EDRF1: variants seen among roughly 807,000 people sequenced by gnomAD.
EDRF1 encodes the protein erythroid differentiation-related factor 1.
In EDRF1, 69 loss-of-function variants were observed where a neutral mutation model predicts 148.7. The ratio of observed to expected loss-of-function variants is 0.46; its 90% confidence interval spans 0.38 to 0.57. EDRF1 has a LOEUF of 0.57. Among genes scored for constraint, EDRF1 ranks in the 20% least tolerant of loss-of-function variants. The probability of loss-of-function intolerance (pLI) is 0.00; values close to 1 mark genes in which losing one functional copy is unlikely to be tolerated. For synonymous variants in EDRF1, 515 were observed against 532.8 expected, an observed-to-expected ratio of 0.97 and a Z score of 0.46; for missense variants, 1,118 against 1,478.7, an observed-to-expected ratio of 0.76 and a Z score of 4.00.
chr10:125,720,002 A>G lies in EDRF1; in HGVS notation c.108+87A>G, dbSNP rs180763014. 1.4e-5 allele frequency: 17 copies of G among 1,238,482 alleles called. No individual in the cohort carries two copies. The East Asian group carries it at 3.9e-4, about 29-fold the overall frequency. 76.7% of individuals were successfully genotyped at this position (1,238,482 alleles called of 1,614,324 possible). On this transcript the variant is annotated intron_variant, in intron 1 of 24. Coordinates refer to ENST00000356792, the MANE Select transcript of EDRF1 (RefSeq NM_001202438.2). ...GGAGGGATGCCACGGTTCCCGGCAG[A>G]TTCTGGAGGCTTCTCCATGTTTCCC...
At chr10:125,731,452 A>G (rs1400473164) in intron 9 of EDRF1, among the ~76,000 whole-genome samples, 1 of 152,230 alleles carries the variant, frequency 6.6e-6, no homozygotes, top group Non-Finnish European at 1.5e-5. Context: ...GTGTAAATAC[A>G]TGAAAGGATT....
At chr10:125,753,580 T>C (rs763417758) in intron 23 of EDRF1, 114 bp from the exon 24 acceptor site, 128 of 1,179,540 alleles carry the variant, frequency 1.1e-4, no homozygotes, top group Non-Finnish European at 1.5e-4. Flanking sequence ...TTTGTTTGTC[T>C]TGTTTAGGGT....
intron 24 of EDRF1, among the ~76,000 whole-genome samples, chr10:125,760,129 C>T (rs1020284168): frequency 1.3e-5 from 2 of 152,212 alleles, no homozygotes; most frequent in African/African-American, 2.4e-5. Context: ...AGCCCTAAGG[C>T]GGAGCAGATA....
At position 125,763,506 on chromosome 10, in the gene EDRF1, T is replaced by C. The variant is rs780107656; in HGVS notation, c.*34T>C. ...AGCCGTGTCCCAGACACGCTGTCAG[T>C]GCCTTCAACACGGAGCCGGTTTGTT... On this transcript the variant is annotated 3_prime_UTR_variant, in exon 25 of 25. Transcript: ENST00000356792. This position sits in a 1 kb window ranked among gnomAD's most constrained non-coding sequence, Gnocchi z 4.3. 1.9e-6 allele frequency: 3 copies of C among 1,598,418 alleles called. No individual in the cohort carries two copies. The highest frequency in any genetic ancestry group is 2.2e-5 in the South Asian group (2 of 90,786).
intron 19 of EDRF1, 103 bp downstream of exon 19, chr10:125,746,033 C>T: frequency 2.9e-6 from 3 of 1,037,366 alleles, no homozygotes; most frequent in Non-Finnish European, 4.4e-6. Flanking sequence ...AATAATTAAA[C>T]TCTGCTAATG....
chr10:125,755,613 A>G (rs939454557), intron 24 of EDRF1, among the ~76,000 whole-genome samples: 6 of 152,232 alleles, frequency 3.9e-5, no homozygotes, highest in Admixed American at 1.3e-4. Flanking sequence ...CAGTAAAACC[A>G]TCTTAACCTG....
chr10:125,739,808 A>C (rs1048961250), intron 15 of EDRF1, among the ~76,000 whole-genome samples: 1 of 152,190 alleles, frequency 6.6e-6, no homozygotes. Flanking sequence ...GTTGTGGTTT[A>C]TGTTATCAAG....
intron 19 of EDRF1, chr10:125,747,227 AG>A (rs1343409683): frequency 3.4e-6 from 1 of 293,538 alleles, no homozygotes; most frequent in Non-Finnish European, 6.4e-6. Context: ...TCATTTAGAA[AG>A]AAAAAAAAAA....
chr10:125,725,813 C>T lies in EDRF1; in HGVS notation c.767C>T (p.Ser256Phe), dbSNP rs1210195853. The T allele has an allele frequency of 1.2e-6, 2 of 1,613,636 alleles. No individual in the cohort carries two copies. Among genetic ancestry groups the T allele is most frequent in the South Asian group, 1.1e-5 (1 of 91,080 alleles). The change falls in exon 6 of 25, where the codon TCT (serine) becomes TTT (phenylalanine). Residue 256 changes from serine (S) to phenylalanine (F), a missense_variant. Around this residue, in one of 3 missense-constraint regions of EDRF1, gnomAD observed 954 missense variants for 1,241.4 expected, o/e 0.77. Transcript: ENST00000356792. ...PAPFEMPSSV[S>F]EDPSASSQGS... is the part of the protein sequence containing the mutation. Reference sequence around the variant, plus strand: ...CCCTTCGAAATGCCTTCTTCAGTTTCTGAAGATCCCAGTGCTTCCAGTCAG... The same window carrying T: ...CCCTTCGAAATGCCTTCTTCAGTTTTTGAAGATCCCAGTGCTTCCAGTCAG...
intron 3 of EDRF1, 84 bp from the exon 4 acceptor site, chr10:125,723,726 TA>T: frequency 7.1e-7 from 1 of 1,401,810 alleles, no homozygotes; most frequent in South Asian, 1.2e-5. Context: ...TATTATGCTT[TA>T]AAATGAATGA....
chr10:125,759,755 C>T (rs1315563912), intron 24 of EDRF1, among the ~76,000 whole-genome samples: 1 of 151,688 alleles, frequency 6.6e-6, no homozygotes, highest in Non-Finnish European at 1.5e-5. Flanking sequence ...CTGTCGCCCA[C>T]GCTGGAGTGC....
intron 18 of EDRF1, among the ~76,000 whole-genome samples, chr10:125,743,646 G>A (rs999177514): frequency 3.9e-5 from 6 of 152,314 alleles, no homozygotes; most frequent in South Asian, 4.1e-4. Context: ...GAGTACCGAC[G>A]AAGTATAATG....
Position 125,725,314 on chromosome 10 carries a change from C to T in EDRF1, c.511-4C>T. 1 of 1,613,862 alleles carries T rather than the reference C, an allele frequency of 6.2e-7. No individual in the cohort carries two copies. The highest frequency in any genetic ancestry group is 1.1e-5 in the South Asian group (1 of 91,048). Reference sequence around the variant, plus strand: ...ATTAATAATATGTATCTCATGTTATCCAGACTGGTGACTGGACATGGTTGA... The same window carrying T: ...ATTAATAATATGTATCTCATGTTATTCAGACTGGTGACTGGACATGGTTGA... On this transcript the variant is annotated splice_polypyrimidine_tract_variant and splice_region_variant and intron_variant, in intron 4 of 24. Coordinates refer to ENST00000356792, the MANE Select transcript of EDRF1 (RefSeq NM_001202438.2).
At position 125,735,890 on chromosome 10, in the gene EDRF1, A is replaced by G; in HGVS notation, c.1744A>G (p.Ile582Val). ...ELSVPEKYKS[I>V]HQIRPSCAFP... is the part of the protein sequence containing the mutation. ...ATCAGTACCAGAAAAATACAAATCT[A>G]TTCATCAAATCAGAGTAAGCCTTTA... Residue 582 changes from isoleucine (I) to valine (V), a missense_variant, in exon 13 of 25, where the codon ATT becomes GTT. Around this residue, in one of 3 missense-constraint regions of EDRF1, gnomAD observed 954 missense variants for 1,241.4 expected, o/e 0.77. Transcript: ENST00000356792. The G allele has an allele frequency of 6.2e-7, 1 of 1,608,630 alleles. No individual in the cohort carries two copies. Among genetic ancestry groups the G allele is most frequent in the Non-Finnish European group, 8.5e-7 (1 of 1,176,014 alleles).
At chr10:125,740,854 G>T in intron 16 of EDRF1, 147 bp from the exon 17 acceptor site, 1 of 1,068,030 alleles carries the variant, frequency 9.4e-7, no homozygotes, top group Non-Finnish European at 1.4e-6. Context: ...ACATGAAGCC[G>T]TAATATGTAT....
Position 125,731,349 on chromosome 10 carries a change from G to A in EDRF1, c.1128+950G>A, listed in dbSNP as rs559927600. 3.3e-5 allele frequency among the ~76,000 whole-genome samples: 5 copies of A among 152,286 alleles called. No individual in the cohort carries two copies. In the South Asian group the frequency reaches 1.0e-3, roughly 32 times the overall value. ...GGGGTGAGCACTTCCATTCAGGTCTGGAGGAAAGACTTTGTGGAAGAAGGG... is the reference window on the plus strand; with the variant it reads ...GGGGTGAGCACTTCCATTCAGGTCTAGAGGAAAGACTTTGTGGAAGAAGGG... On this transcript the variant is annotated intron_variant, in intron 9 of 24. Transcript: ENST00000356792.
chr10:125,742,526 T>C (rs1420334275), intron 17 of EDRF1: 3 of 985,340 alleles, frequency 3.0e-6, no homozygotes, highest in Non-Finnish European at 3.6e-6. Flanking sequence ...TCTCCGTCTT[T>C]CTCAAATAAT....
chr10:125,748,217 G>A (rs893612715), intron 21 of EDRF1: 50 of 637,488 alleles, frequency 7.8e-5, no homozygotes, highest in African/African-American at 7.1e-4. Context: ...TTGAGCATGG[G>A]AAAACGAATC....
intron 24 of EDRF1, among the ~76,000 whole-genome samples, chr10:125,755,455 ACTTTT>A (rs1425921365): frequency 1.3e-5 from 2 of 152,182 alleles, no homozygotes; most frequent in African/African-American, 2.4e-5. Context: ...TCTACAGCTC[ACTTTT>A]CTTATAATGG....
Sources: gnomAD v4.1 joint callset for allele counts (sites outside exome capture counted in the v4.1 genomes callset) on GRCh38, gnomAD v4.1.1 for gene constraint, gnomAD v4.1.1 regional missense constraint, Gnocchi (gnomAD v3.1) non-coding constraint, MANE v1.5 for transcripts, NCBI Gene and HGNC (gene_info 2026-07-23, HGNC 2026-07-21) for gene names.